The following LRRC58 variants were observed in gnomAD, a reference collection of about 807,000 sequenced individuals.
The protein encoded by LRRC58 is leucine rich repeat containing 58, also known as leucine-rich repeat-containing protein 58.
LRRC58 carries 18 observed loss-of-function variants against 30.6 expected under a neutral mutation model. The ratio of observed to expected loss-of-function variants is 0.59; its 90% confidence interval spans 0.41 to 0.87. LRRC58 has a LOEUF of 0.87. Ranked by LOEUF, LRRC58 falls within the 40% of genes least tolerant of loss-of-function variation. The pLI is 0.00. For missense variants in LRRC58, 420 were observed against 468.4 expected (o/e 0.90, Z 0.95); for synonymous variants, 221 against 206.0 (o/e 1.07, Z -0.62).
Position 120,325,658 on chromosome 3 carries a change from A to G in LRRC58, c.*5542T>C, listed in dbSNP as rs1010442454. 6 of 152,240 alleles carry G rather than the reference A, an allele frequency of 3.9e-5. No homozygotes were observed. Among genetic ancestry groups the G allele is most frequent in the African/African-American group, 1.4e-4 (6 of 41,462 alleles). 9.4% of individuals were successfully genotyped at this position (152,240 alleles called of 1,614,324 possible). ...TAGAAAAAGAATGGGAGATATTTAC[A>G]TACAAAAGTATTCAAACATGTCTCA... On this transcript the variant is annotated 3_prime_UTR_variant, in exon 4 of 4. Transcript: ENST00000295628.
chr3:120,348,965 C>T lies in LRRC58; in HGVS notation c.279G>A (p.Leu93=). 1 of 1,540,390 alleles carries T rather than the reference C, an allele frequency of 6.5e-7. No individual in the cohort carries two copies. The highest frequency in any genetic ancestry group is 8.7e-7 in the Non-Finnish European group (1 of 1,146,402). Residue 93 remains leucine, a synonymous_variant, in exon 1 of 4, where the codon CTG becomes CTA. Coordinates refer to ENST00000295628, the MANE Select transcript of LRRC58 (RefSeq NM_001099678.2). ...LGPELLALRG[L]RTLLAKNNRL... ...GGTTGTTCTTGGCCAGCAGCGTGCG[C>T]AGGCCGCGCAGAGCGAGCAGCTCCG...
At chr3:120,334,380 C>T (rs972520468) in intron 3 of LRRC58, among the ~76,000 whole-genome samples, 5 of 151,882 alleles carry the variant, frequency 3.3e-5, no homozygotes, top group South Asian at 4.2e-4. Flanking sequence ...TTGTGGTGGG[C>T]GCCTGTAGTC....
chr3:120,343,299 G>A (rs1192732302), intron 1 of LRRC58, among the ~76,000 whole-genome samples: 4 of 152,004 alleles, frequency 2.6e-5, no homozygotes, highest in African/African-American at 7.3e-5. Context: ...GACATCTTTC[G>A]ATGATTTGTG....
intron 1 of LRRC58, among the ~76,000 whole-genome samples, chr3:120,337,555 C>T (rs1182482133): frequency 1.3e-5 from 2 of 152,102 alleles, no homozygotes; most frequent in Non-Finnish European, 2.9e-5. Flanking sequence ...TTTGTGGCCT[C>T]AAGCATGGTC....
intron 1 of LRRC58, among the ~76,000 whole-genome samples, chr3:120,346,942 C>T (rs897476906): frequency 2.0e-5 from 3 of 152,178 alleles, no homozygotes; most frequent in Admixed American, 1.3e-4. Context: ...AGACCTGACA[C>T]GGGCTGACTT....
intron 1 of LRRC58, among the ~76,000 whole-genome samples, chr3:120,336,569 A>C (rs553158291): frequency 3.9e-5 from 6 of 152,316 alleles, no homozygotes; most frequent in African/African-American, 1.4e-4. Context: ...GTTTTTGAAT[A>C]GACTGTAAAA....
rs921095499 is a variant in LRRC58, at chr3:120,337,973, G to A, written c.501-2020C>T. ...TTCTTCTGCCTCAGCCTCCCGAGGA[G>A]CTAGGATTACAGGTCCCTGCCACCA... On this transcript the variant is annotated intron_variant, in intron 1 of 3. Coordinates refer to ENST00000295628, the MANE Select transcript of LRRC58 (RefSeq NM_001099678.2). 7.9e-5 allele frequency among the ~76,000 whole-genome samples: 12 copies of A among 152,198 alleles called. No individual in the cohort carries two copies. The South Asian group carries it at 8.3e-4, about 11-fold the overall frequency.
At chr3:120,338,748 G>T (rs1463952427) in intron 1 of LRRC58, among the ~76,000 whole-genome samples, 3 of 152,212 alleles carry the variant, frequency 2.0e-5, no homozygotes, top group African/African-American at 7.2e-5. Flanking sequence ...AGGTAGCCTG[G>T]AAAGGCCACA....
At chr3:120,332,725 C>A (rs1176874172) in intron 3 of LRRC58, among the ~76,000 whole-genome samples, 1 of 151,664 alleles carries the variant, frequency 6.6e-6, no homozygotes, top group Non-Finnish European at 1.5e-5. Flanking sequence ...TGGTTCATTT[C>A]ATAGATTATC....
Position 120,326,360 on chromosome 3 carries a change from G to A in LRRC58, c.*4840C>T, listed in dbSNP as rs1197412874. ...ATTTTTGTATTTTTAGTAGAGATGT[G>A]ATTTTGCCATGTTGGCCAGGCTGAT... On this transcript the variant is annotated 3_prime_UTR_variant, in exon 4 of 4. Coordinates refer to ENST00000295628, the MANE Select transcript of LRRC58 (RefSeq NM_001099678.2). 2.6e-5 allele frequency: 4 copies of A among 152,138 alleles called. No individual in the cohort carries two copies. Among genetic ancestry groups the A allele is most frequent in the African/African-American group, 9.7e-5 (4 of 41,400 alleles). The allele number at this position is 152,138 out of a possible 1,614,324, so 9.4% of individuals were successfully genotyped here. A position where few individuals can be genotyped will look rare whatever the true frequency, so the allele number is the denominator to read the frequency against.
chr3:120,345,102 C>T (rs1009248), intron 1 of LRRC58, among the ~76,000 whole-genome samples: 17,790 of 146,714 alleles, frequency 0.12, 1,263 homozygotes, highest in Admixed American at 0.23. Context: ...GAAAGTGATG[C>T]TTCAGAAAAC....
chr3:120,342,903 G>A (rs551829108), intron 1 of LRRC58, among the ~76,000 whole-genome samples: 1 of 152,172 alleles, frequency 6.6e-6, no homozygotes, highest in African/African-American at 2.4e-5. Flanking sequence ...CCAGCCTCCA[G>A]AACTGTGACA....
intron 1 of LRRC58, among the ~76,000 whole-genome samples, chr3:120,342,797 T>C (rs1320168702): frequency 6.6e-6 from 1 of 152,176 alleles, no homozygotes; most frequent in Non-Finnish European, 1.5e-5. Flanking sequence ...AGAGATCCCG[T>C]AACAATGTGA....
chr3:120,331,533 G>C (rs537979013), intron 3 of LRRC58, 125 bp from the exon 4 acceptor site: 1 of 745,258 alleles, frequency 1.3e-6, no homozygotes, highest in Admixed American at 2.2e-5. Context: ...TTAAGCAGAA[G>C]TAGTACTTGC....
At chr3:120,333,182 CGGCCT>C (rs1935783112) in intron 3 of LRRC58, among the ~76,000 whole-genome samples, 1 of 152,026 alleles carries the variant, frequency 6.6e-6, no homozygotes, top group Non-Finnish European at 1.5e-5. Flanking sequence ...CCACCACACT[CGGCCT>C]TAAGCTGGTA....
Position 120,349,156 on chromosome 3 carries a change from A to C in LRRC58, c.88T>G (p.Ser30Ala). Residue 30 changes from serine (S) to alanine (A), a missense_variant, in exon 1 of 4, where the codon TCT becomes GCT. Ser to Ala is a moderately conservative substitution (Grantham distance 99). This residue lies in a region of LRRC58 where 266 missense variants were observed against 251.7 expected (regional missense o/e 1.06). Coordinates refer to ENST00000295628, the MANE Select transcript of LRRC58 (RefSeq NM_001099678.2). The stretch of plus-strand genomic sequence containing the variant: ...TCCTCCCCCCGCGCCTCCAGCTCAG[A>C]CTCCAGCGTCTCGGTGGACACGCTG... ...RLSVSTETLE[S>A]ELEARGEERR... is the part of the protein sequence containing the mutation. The C allele has an allele frequency of 5.4e-6, 8 of 1,494,428 alleles. No individual in the cohort carries two copies. Among genetic ancestry groups the C allele is most frequent in the Admixed American group, 4.3e-5 (2 of 46,004 alleles). The allele number at this position is 1,494,428 out of a possible 1,614,324, so 92.6% of individuals were successfully genotyped here.
chr3:120,348,785 G>A lies in LRRC58; in HGVS notation c.459C>T (p.Asn153=), dbSNP rs201447272. ...TCTCAGCCGGGATGCTCTGCAGTTGGTTGCCGCCCAGGCTCAGGGTCTGCA... is the reference window on the plus strand; with the variant it reads ...TCTCAGCCGGGATGCTCTGCAGTTGATTGCCGCCCAGGCTCAGGGTCTGCA... ...RALQTLSLGG[N]QLQSIPAEIE... is the part of the protein sequence containing the mutation. Residue 153 remains asparagine, a synonymous_variant, in exon 1 of 4, where the codon AAC becomes AAT. Transcript: ENST00000295628. 9.7e-5 allele frequency: 155 copies of A among 1,605,722 alleles called. No homozygotes were observed. In the African/African-American group the frequency reaches 1.9e-3, roughly 20 times the overall value.
intron 1 of LRRC58, among the ~76,000 whole-genome samples, chr3:120,344,068 CA>C (rs202031470): frequency 6.8e-4 from 101 of 149,266 alleles, no homozygotes; most frequent in African/African-American, 1.8e-3. Flanking sequence ...CAAACAAAAA[CA>C]AAAAAAAACC....
chr3:120,328,149 G>C lies in LRRC58; in HGVS notation c.*3051C>G, dbSNP rs193265287. ...AAGTAAAATATAACCAGTCGCCTTT[G>C]GATTTACCTCCACTACTCAAATACT... On this transcript the variant is annotated 3_prime_UTR_variant, in exon 4 of 4. Transcript: ENST00000295628. The C allele has an allele frequency of 1.3e-5, 2 of 152,252 alleles. No individual in the cohort carries two copies. The highest frequency in any genetic ancestry group is 3.9e-4 in the East Asian group (2 of 5,192). The allele number at this position is 152,252 out of a possible 1,614,324, so 9.4% of individuals were successfully genotyped here. A position where few individuals can be genotyped will look rare whatever the true frequency, so the allele number is the denominator to read the frequency against.
Sources: gnomAD v4.1 joint callset for allele counts (sites outside exome capture counted in the v4.1 genomes callset) on GRCh38, gnomAD v4.1.1 for gene constraint, gnomAD v4.1.1 regional missense constraint, MANE v1.5 for transcripts, NCBI Gene and HGNC (gene_info 2026-07-23, HGNC 2026-07-21) for gene names.